WDFY3: variants seen among roughly 807,000 people sequenced by gnomAD.
WDFY3 encodes WD repeat and FYVE domain-containing protein 3.
WDFY3 carries 66 observed loss-of-function variants against 409.6 expected under a neutral mutation model. That is an observed-to-expected ratio of 0.16 (90% confidence interval 0.13 to 0.20). The LOEUF (loss-of-function observed/expected upper bound fraction) is 0.20, where lower values mean the gene tolerates loss of function less well. Among genes scored for constraint, WDFY3 ranks in the 10% least tolerant of loss-of-function variants. The probability of loss-of-function intolerance (pLI) is 1.00; values close to 1 mark genes in which losing one functional copy is unlikely to be tolerated. For synonymous variants in WDFY3, 1,521 were observed against 1,537.1 expected (o/e 0.99, Z 0.25); for missense variants, 3,031 against 4,298.1 (o/e 0.71, Z 8.24).
intron 51 of WDFY3, among the ~76,000 whole-genome samples, chr4:84,711,546 A>G (rs936598434): frequency 6.6e-6 from 1 of 152,198 alleles, no homozygotes; most frequent in Non-Finnish European, 1.5e-5. Flanking sequence ...TTATAAAATC[A>G]ATAAAATAAA....
At chr4:84,909,590 G>A (rs973926268) in intron 2 of WDFY3, among the ~76,000 whole-genome samples, 4 of 152,002 alleles carry the variant, frequency 2.6e-5, no homozygotes, top group South Asian at 2.1e-4. Context: ...TTTGGCTTAG[G>A]AGTCTCACTG....
In WDFY3 at chr4:84,671,096, CCTTT is replaced by C. The variant is rs1311165495; in HGVS notation, c.*1768_*1771del. The C allele has an allele frequency of 1.3e-5, 2 of 152,524 alleles. No individual in the cohort carries two copies. Among genetic ancestry groups the C allele is most frequent in the Non-Finnish European group, 2.9e-5 (2 of 68,030 alleles). The allele number at this position is 152,524 out of a possible 1,614,324, so 9.4% of individuals were successfully genotyped here. On this transcript the variant is annotated 3_prime_UTR_variant, in exon 68 of 68. Coordinates refer to ENST00000295888, the MANE Select transcript of WDFY3 (RefSeq NM_014991.6). ...TAGTAAGCGTAAGGCACTAAAGCAG[CCTTT>C]CTATTTTCTCTTGGAGACCTAGTTA...
At chr4:84,890,460 A>G (rs1157240071) in intron 3 of WDFY3, among the ~76,000 whole-genome samples, 1 of 152,158 alleles carries the variant, frequency 6.6e-6, no homozygotes, top group African/African-American at 2.4e-5. Flanking sequence ...ATATACATAC[A>G]TTTTTTACCT....
At chr4:84,760,969 T>C (rs1742470537) in intron 32 of WDFY3, among the ~76,000 whole-genome samples, 2 of 150,460 alleles carry the variant, frequency 1.3e-5, no homozygotes, top group South Asian at 4.3e-4. Context: ...CTCTACACAC[T>C]GCTTTGAATG....
chr4:84,719,095 G>A (rs1444123452), intron 47 of WDFY3, among the ~76,000 whole-genome samples: 1 of 152,036 alleles, frequency 6.6e-6, no homozygotes, highest in African/African-American at 2.4e-5. Flanking sequence ...GTTTCTAATT[G>A]GCTTGTTGTG....
At chr4:84,908,008 G>GA (rs1451996186) in intron 2 of WDFY3, among the ~76,000 whole-genome samples, 12 of 151,820 alleles carry the variant, frequency 7.9e-5, no homozygotes, top group Admixed American at 7.9e-4. Context: ...AAGGTGCAAG[G>GA]AAAGTGCAGA....
chr4:84,737,377 A>C lies in WDFY3; in HGVS notation c.6575-11T>G. On this transcript the variant is annotated splice_polypyrimidine_tract_variant and intron_variant, in intron 40 of 67. Transcript: ENST00000295888. ...TGAGAAGCTGACGCCCTAGTAAACAAACAAACAAACAAACAAAAAAGTAAG... is the reference window on the plus strand; with the variant it reads ...TGAGAAGCTGACGCCCTAGTAAACACACAAACAAACAAACAAAAAAGTAAG... 1.3e-6 allele frequency: 2 copies of C among 1,531,616 alleles called. No homozygotes were observed. Among genetic ancestry groups the C allele is most frequent in the Admixed American group, 2.2e-5 (1 of 44,880 alleles). 94.9% of individuals were successfully genotyped at this position (1,531,616 alleles called of 1,614,324 possible).
At chr4:84,866,921 G>A (rs926476207) in intron 3 of WDFY3, among the ~76,000 whole-genome samples, 7 of 152,280 alleles carry the variant, frequency 4.6e-5, no homozygotes, top group African/African-American at 9.6e-5. Context: ...TAATTCAGAC[G>A]AAGAGGTAAC....
chr4:84,824,501 CA>C (rs1033990069), intron 10 of WDFY3, among the ~76,000 whole-genome samples: 4 of 151,418 alleles, frequency 2.6e-5, no homozygotes, highest in East Asian at 3.9e-4. Context: ...AATCCAGATA[CA>C]AAAAAAACTA....
intron 4 of WDFY3, among the ~76,000 whole-genome samples, chr4:84,854,520 T>A (rs1759479050): frequency 1.3e-5 from 2 of 152,214 alleles, no homozygotes; most frequent in African/African-American, 2.4e-5. Flanking sequence ...ATCATTTACA[T>A]AAATGTTTGC....
rs781133395 is a variant in WDFY3 at position 84,708,951 on chromosome 4, C to T, written c.8175G>A (p.Gln2725=). Residue 2725 remains glutamine, a synonymous_variant, in exon 53 of 68, where the codon CAG becomes CAA. Coordinates refer to ENST00000295888, the MANE Select transcript of WDFY3 (RefSeq NM_014991.6). ...CAAGGATCCAGGGGAAGACAGGATACTGCATGAGATCATTATATGATCTGC... is the reference window on the plus strand; with the variant it reads ...CAAGGATCCAGGGGAAGACAGGATATTGCATGAGATCATTATATGATCTGC... The part of the protein sequence containing the change: ...LAGRSYNDLM[Q]YPVFPWILAD... The T allele has an allele frequency of 4.3e-6, 7 of 1,613,946 alleles. No homozygotes were observed. The East Asian group carries it at 1.6e-4, about 36-fold the overall frequency.
rs1185524370 is a variant in WDFY3 at position 84,672,238 on chromosome 4, A to G, written c.*630T>C. 6.6e-6 allele frequency: 1 copy of G among 152,228 alleles called. No individual in the cohort carries two copies. Among genetic ancestry groups the G allele is most frequent in the Non-Finnish European group, 1.5e-5 (1 of 68,048 alleles). 9.4% of individuals were successfully genotyped at this position (152,228 alleles called of 1,614,324 possible). A position where few individuals can be genotyped will look rare whatever the true frequency, so the allele number is the denominator to read the frequency against. On this transcript the variant is annotated 3_prime_UTR_variant, in exon 68 of 68. Coordinates refer to ENST00000295888, the MANE Select transcript of WDFY3 (RefSeq NM_014991.6). ...TACTGTGGGCAACTTGAAAGAAATG[A>G]CATCAGGCACACAGGCTGAGCTTGA...
chr4:84,848,815 G>C (rs1205126019), intron 5 of WDFY3, among the ~76,000 whole-genome samples: 1 of 152,130 alleles, frequency 6.6e-6, no homozygotes, highest in Non-Finnish European at 1.5e-5. Context: ...GTGAGATCAT[G>C]AGAGTCGTAG....
chr4:84,935,377 G>A (rs1339873703), intron 1 of WDFY3, among the ~76,000 whole-genome samples: 1 of 152,154 alleles, frequency 6.6e-6, no homozygotes, highest in African/African-American at 2.4e-5. Context: ...TCTCCAACGT[G>A]TAGTAATGCC....
chr4:84,751,764 A>G (rs1299786863), intron 35 of WDFY3, 48 bp from the exon 36 acceptor site: 1 of 1,591,380 alleles, frequency 6.3e-7, no homozygotes, highest in East Asian at 2.2e-5. Context: ...AGACTCTGAC[A>G]TTTTTACTTC....
intron 62 of WDFY3, among the ~76,000 whole-genome samples, chr4:84,686,676 G>A (rs999698493): frequency 1.3e-5 from 2 of 152,124 alleles, no homozygotes; most frequent in African/African-American, 4.8e-5. Context: ...AGGTGGCAAT[G>A]GATATGTATA....
chr4:84,858,861 CAG>C (rs1578849261), intron 4 of WDFY3, among the ~76,000 whole-genome samples: 1 of 151,262 alleles, frequency 6.6e-6, no homozygotes, highest in Non-Finnish European at 1.5e-5. Context: ...GAAAAAGAGA[CAG>C]GGGAGAGTCA....
In WDFY3 at chr4:84,751,587, G is replaced by A. The variant is rs780995912; in HGVS notation, c.5869C>T (p.Pro1957Ser). The change falls in exon 36 of 68, where the codon CCG (proline) becomes TCG (serine). Residue 1957 changes from proline to serine, a missense_variant. By Grantham distance (74) the Pro-to-Ser change is moderately conservative. This residue lies in a region of WDFY3 where 314 missense variants were observed against 397.4 expected (regional missense o/e 0.79). Coordinates refer to ENST00000295888, the MANE Select transcript of WDFY3 (RefSeq NM_014991.6). The stretch of plus-strand genomic sequence containing the variant: ...AAGTCAAAAACGAACTTTTTAGCCG[G>A]GTGATTGGTCAGATATGTCTTGGTG... ...VGTKTYLTNHPAKKFVFDFMR... is the reference protein window; with the variant it reads ...VGTKTYLTNHSAKKFVFDFMR... 2 of 1,614,140 alleles carry A rather than the reference G, an allele frequency of 1.2e-6. No homozygotes were observed. The highest frequency in any genetic ancestry group is 8.5e-7 in the Non-Finnish European group (1 of 1,180,030).
intron 61 of WDFY3, among the ~76,000 whole-genome samples, chr4:84,689,087 G>GT (rs1432197457): frequency 6.6e-6 from 1 of 152,236 alleles, no homozygotes; most frequent in African/African-American, 2.4e-5. Flanking sequence ...ACACTAGAAT[G>GT]TAAGAGGTTG....
Sources: gnomAD v4.1 joint callset for allele counts (sites outside exome capture counted in the v4.1 genomes callset) on GRCh38, gnomAD v4.1.1 for gene constraint, gnomAD v4.1.1 regional missense constraint, MANE v1.5 for transcripts, NCBI Gene and HGNC (gene_info 2026-07-23, HGNC 2026-07-21) for gene names.